The following SDR42E2 variants were observed in gnomAD, a reference collection of about 807,000 sequenced individuals.
The protein encoded by SDR42E2 is short chain dehydrogenase/reductase family 42E, member 2.
In SDR42E2, 20 loss-of-function variants were observed where a neutral mutation model predicts 10.5. That is an observed-to-expected ratio of 1.90 (90% confidence interval 1.34 to 2.77). The LOEUF (loss-of-function observed/expected upper bound fraction) is 2.77, where lower values mean the gene tolerates loss of function less well. Ranked by LOEUF, SDR42E2 falls within the 30% of genes most tolerant of loss-of-function variation. The pLI is 0.00. For synonymous variants in SDR42E2, 72 were observed against 39.2 expected (o/e 1.84, Z -3.12); for missense variants, 162 against 104.2 (o/e 1.55, Z -2.42).
At chr16:22,177,554 G>A (rs567978131) in intron 7 of SDR42E2, among the ~76,000 whole-genome samples, 3 of 152,194 alleles carry the variant, frequency 2.0e-5, no homozygotes, top group Admixed American at 2.0e-4. Context: ...CTTGAACCCG[G>A]GAGATGGAGG....
chr16:22,172,823 C>G (rs2046612590), intron 7 of SDR42E2, among the ~76,000 whole-genome samples: 1 of 152,184 alleles, frequency 6.6e-6, no homozygotes, highest in South Asian at 2.1e-4. Flanking sequence ...CTCTGTTGCC[C>G]AGGCTGGAGT....
At chr16:22,168,838 A>ACTCC (rs1475606513) in intron 4 of SDR42E2, among the ~76,000 whole-genome samples, 1 of 152,024 alleles carries the variant, frequency 6.6e-6, no homozygotes, top group East Asian at 1.9e-4. Flanking sequence ...GTACCACTAC[A>ACTCC]CTCCACCTTG....
chr16:22,185,238 C>T (rs1315228127), intron 11 of SDR42E2, among the ~76,000 whole-genome samples: 4 of 152,164 alleles, frequency 2.6e-5, no homozygotes, highest in African/African-American at 9.7e-5. Flanking sequence ...TGGTGGCCCT[C>T]CAGTCCCAAA....
intron 7 of SDR42E2, among the ~76,000 whole-genome samples, chr16:22,174,793 C>T (rs922678490): frequency 3.3e-5 from 5 of 152,128 alleles, no homozygotes; most frequent in Admixed American, 6.6e-5. Flanking sequence ...TACCCTGGCC[C>T]TCCGTGAAGT....
chr16:22,187,910 A>G (rs1001514935), intron 12 of SDR42E2, among the ~76,000 whole-genome samples: 1 of 152,074 alleles, frequency 6.6e-6, no homozygotes, highest in African/African-American at 2.4e-5. Context: ...AGCCTGGCCA[A>G]CGCAGTGAAA....
chr16:22,167,597 T>C (rs1324600060), intron 4 of SDR42E2, among the ~76,000 whole-genome samples: 1 of 152,186 alleles, frequency 6.6e-6, no homozygotes. Context: ...TCACAACCTC[T>C]TCAGAGAGCA....
At chr16:22,175,055 G>A (rs1242979708) in intron 7 of SDR42E2, among the ~76,000 whole-genome samples, 2 of 152,176 alleles carry the variant, frequency 1.3e-5, no homozygotes, top group African/African-American at 4.8e-5. Context: ...GAGGCGTGCA[G>A]ATCCTAGCTC....
chr16:22,162,820 TC>T (rs767893170), intron 1 of SDR42E2, among the ~76,000 whole-genome samples: 3 of 152,202 alleles, frequency 2.0e-5, no homozygotes, highest in Non-Finnish European at 4.4e-5. Flanking sequence ...TCTCTGGGCC[TC>T]AGTTTCCACC....
At chr16:22,182,390 C>T in intron 10 of SDR42E2, 113 bp downstream of exon 10, 2 of 391,644 alleles carry the variant, frequency 5.1e-6, no homozygotes, top group Non-Finnish European at 9.0e-6. Context: ...TCTTGTCACC[C>T]AGGCTGGAGT....
At chr16:22,173,075 T>C (rs2142066770) in intron 7 of SDR42E2, among the ~76,000 whole-genome samples, 1 of 152,248 alleles carries the variant, frequency 6.6e-6, no homozygotes, top group South Asian at 2.1e-4. Flanking sequence ...CCACCATGCC[T>C]GGCCTTGGCT....
At chr16:22,181,700 G>A (rs937742018) in intron 9 of SDR42E2, 44 bp downstream of exon 9, 1 of 692,922 alleles carries the variant, frequency 1.4e-6, no homozygotes, top group South Asian at 1.5e-5. Flanking sequence ...CCACAGGGCT[G>A]CAGGCAGAGC....
Position 22,166,933 on chromosome 16 carries a change from C to A in SDR42E2, c.270C>A (p.Tyr90Ter). ...ATGTCCGAGATGAAGAAGCCCTGTACCGTGCCTTCGAAGGGGTGGACTGTG... is the reference window on the plus strand; with the variant it reads ...ATGTCCGAGATGAAGAAGCCCTGTAACGTGCCTTCGAAGGGGTGGACTGTG... ...QADVRDEEAL[Y>*]RAFEGVDCVF... Residue 90 changes from tyrosine (Y) to a stop codon, truncating the protein, a stop_gained, in exon 4 of 13, where the codon TAC (tyrosine) becomes TAA (stop). Transcript: ENST00000602312. LOFTEE classifies it high-confidence loss of function. 1.4e-6 allele frequency: 1 copy of A among 700,726 alleles called. No individual in the cohort carries two copies. 43.4% of individuals were successfully genotyped at this position (700,726 alleles called of 1,614,324 possible).
At chr16:22,175,854 G>A (rs1051695504) in intron 7 of SDR42E2, among the ~76,000 whole-genome samples, 3 of 151,806 alleles carry the variant, frequency 2.0e-5, no homozygotes, top group Non-Finnish European at 2.9e-5. Flanking sequence ...TTAGTGGGGC[G>A]TGGTGGCAGG....
At chr16:22,178,330 C>G (rs1267634878) in intron 8 of SDR42E2, 118 bp downstream of exon 8, 2 of 610,358 alleles carry the variant, frequency 3.3e-6, no homozygotes, top group African/African-American at 3.7e-5. Flanking sequence ...GTGTCCTGAG[C>G]CTGGAACCCT....
intron 6 of SDR42E2, among the ~76,000 whole-genome samples, chr16:22,171,347 T>G (rs1313908042): frequency 6.6e-6 from 1 of 151,982 alleles, no homozygotes; most frequent in East Asian, 1.9e-4. Context: ...TTCAATAGAT[T>G]CTCCTGCCTC....
chr16:22,186,149 G>A (rs1232469504), intron 11 of SDR42E2, among the ~76,000 whole-genome samples: 1 of 152,094 alleles, frequency 6.6e-6, no homozygotes, highest in Non-Finnish European at 1.5e-5. Context: ...AAGTGAGAGA[G>A]AGATTATTAT....
At position 22,178,129 on chromosome 16, in the gene SDR42E2, G is replaced by A. The variant is rs1370167214; in HGVS notation, c.590-1G>A. The A allele has an allele frequency of 1.4e-6, 1 of 702,696 alleles. No individual in the cohort carries two copies. The highest frequency in any genetic ancestry group is 2.6e-6 in the Non-Finnish European group (1 of 384,896). 43.5% of individuals were successfully genotyped at this position (702,696 alleles called of 1,614,324 possible). ...CCTGACCACGCTTCCCTGTGTGCTA[G>A]GAGGAGGCACTCTTCGGACGTGTGT... is the stretch of plus-strand genomic sequence containing the variant. On this transcript the variant is annotated splice_acceptor_variant, in intron 7 of 12. Coordinates refer to ENST00000602312, the MANE Select transcript of SDR42E2 (RefSeq NM_001394319.2). LOFTEE classifies it high-confidence loss of function.
At chr16:22,178,698 G>A (rs565346172) in intron 8 of SDR42E2, among the ~76,000 whole-genome samples, 12 of 152,334 alleles carry the variant, frequency 7.9e-5, no homozygotes, top group African/African-American at 2.9e-4. Flanking sequence ...AGGAGCACAA[G>A]AAGATGGGCC....
intron 8 of SDR42E2, among the ~76,000 whole-genome samples, chr16:22,178,686 A>C (rs935002298): frequency 6.6e-6 from 1 of 152,194 alleles, no homozygotes; most frequent in African/African-American, 2.4e-5. Context: ...GGCTGTGGAG[A>C]GAGGAGCACA....
Sources: gnomAD v4.1 joint callset for allele counts (sites outside exome capture counted in the v4.1 genomes callset) on GRCh38, gnomAD v4.1.1 for gene constraint, MANE v1.5 for transcripts, NCBI Gene and HGNC (gene_info 2026-07-23, HGNC 2026-07-21) for gene names.